Variants in REDIC1 observed in about 807,000 individuals in gnomAD.
REDIC1 encodes the protein regulator of DNA class I crossover intermediates 1.
chr12:39,713,539 T>C, the REDIC1 span, among the ~76,000 whole-genome samples: 2 of 149,386 alleles, frequency 1.3e-5, no homozygotes, highest in African/African-American at 4.9e-5. Flanking sequence ...TACACGTACA[T>C]ACGTATACAT....
the REDIC1 span, among the ~76,000 whole-genome samples, chr12:39,860,206 A>G: frequency 6.6e-6 from 1 of 152,348 alleles, no homozygotes; most frequent in African/African-American, 2.4e-5. Flanking sequence ...TTTGGACCTC[A>G]GTAAGGAAAC....
At chr12:39,710,793 G>C in the REDIC1 span, among the ~76,000 whole-genome samples, 1 of 151,566 alleles carries the variant, frequency 6.6e-6, no homozygotes, top group African/African-American at 2.4e-5. Flanking sequence ...TCCATTACAA[G>C]GTTCTGAACA....
At chr12:39,702,972 G>A in the REDIC1 span, among the ~76,000 whole-genome samples, 7 of 152,062 alleles carry the variant, frequency 4.6e-5, no homozygotes, top group East Asian at 1.9e-4. Context: ...CCCACAGCCA[G>A]TATCATACTG....
chr12:39,626,220 T>C, the REDIC1 span: 22 of 1,104,902 alleles, frequency 2.0e-5, no homozygotes, highest in South Asian at 2.8e-4. Context: ...AGGAGCTTAC[T>C]CGGGCCCTGA....
At chr12:39,835,953 G>T in the REDIC1 span, among the ~76,000 whole-genome samples, 1 of 152,080 alleles carries the variant, frequency 6.6e-6, no homozygotes, top group East Asian at 1.9e-4. Flanking sequence ...GCCACGTGGT[G>T]AAAGCCACAA....
chr12:39,639,263 A>G, the REDIC1 span, among the ~76,000 whole-genome samples: 2 of 151,966 alleles, frequency 1.3e-5, no homozygotes, highest in African/African-American at 4.8e-5. Flanking sequence ...GCAGCAGAAT[A>G]TATAGGGTTC....
the REDIC1 span, among the ~76,000 whole-genome samples, chr12:39,828,733 C>A: frequency 1.3e-5 from 2 of 149,784 alleles, no homozygotes; most frequent in South Asian, 4.2e-4. Flanking sequence ...TTCCTATTGG[C>A]AAAAACAAAA....
chr12:39,686,687 CTG>C, the REDIC1 span, among the ~76,000 whole-genome samples: 3 of 152,246 alleles, frequency 2.0e-5, no homozygotes, highest in Non-Finnish European at 2.9e-5. Context: ...TTTCTGCAGC[CTG>C]CTTGAATTCC....
the REDIC1 span, among the ~76,000 whole-genome samples, chr12:39,681,910 G>A: frequency 2.6e-5 from 4 of 151,844 alleles, no homozygotes; most frequent in Admixed American, 2.0e-4. Context: ...AAATAAATTT[G>A]TAGTCACTGA....
the REDIC1 span, chr12:39,721,733 T>A: frequency 6.5e-6 from 1 of 152,742 alleles, no homozygotes; most frequent in African/African-American, 2.4e-5. Context: ...TTCTCTTTAA[T>A]ATTACAGTCC....
the REDIC1 span, among the ~76,000 whole-genome samples, chr12:39,849,059 AT>A: frequency 6.6e-6 from 1 of 152,236 alleles, no homozygotes; most frequent in South Asian, 2.1e-4. Context: ...AACAAAAAAG[AT>A]AACTATTGGG....
the REDIC1 span, among the ~76,000 whole-genome samples, chr12:39,702,771 TG>T: frequency 8.5e-3 from 1,290 of 152,356 alleles, 23 homozygotes; most frequent in African/African-American, 0.029. Flanking sequence ...GATGCAAGGC[TG>T]GTTCAATATA....
the REDIC1 span, among the ~76,000 whole-genome samples, chr12:39,686,304 C>T: frequency 1.3e-5 from 2 of 152,214 alleles, no homozygotes; most frequent in African/African-American, 4.8e-5. Flanking sequence ...AACATCTAGG[C>T]TTTTGCATAC....
the REDIC1 span, among the ~76,000 whole-genome samples, chr12:39,762,453 A>G: frequency 1.6e-5 from 2 of 126,314 alleles, no homozygotes; most frequent in African/African-American, 2.7e-5. Flanking sequence ...ATGCCCCCCA[A>G]GGGATCTCTT....
the REDIC1 span, among the ~76,000 whole-genome samples, chr12:39,789,064 G>T: frequency 6.6e-6 from 1 of 151,988 alleles, no homozygotes; most frequent in East Asian, 1.9e-4. Context: ...TTTAAAGAAT[G>T]ATAATAAGAT....
the REDIC1 span, among the ~76,000 whole-genome samples, chr12:39,710,871 A>G: frequency 5.9e-5 from 9 of 151,548 alleles, no homozygotes; most frequent in Admixed American, 5.3e-4. Context: ...GTTACTCAAT[A>G]AGTGTTTTTT....
chr12:39,842,225 G>T, the REDIC1 span, among the ~76,000 whole-genome samples: 2 of 152,046 alleles, frequency 1.3e-5, no homozygotes, highest in South Asian at 4.1e-4. Flanking sequence ...TAGAAGACCA[G>T]ATTAGAAATA....
chr12:39,896,173 AATATGTAT>A, the REDIC1 span, among the ~76,000 whole-genome samples: 5 of 146,342 alleles, frequency 3.4e-5, no homozygotes, highest in South Asian at 2.2e-4. Flanking sequence ...TACATATATG[AATATGTAT>A]ATATGTATAT....
chr12:39,705,097 AAAAT>A, the REDIC1 span, among the ~76,000 whole-genome samples: 6,276 of 151,726 alleles, frequency 0.041, 154 homozygotes, highest in African/African-American at 0.073. Context: ...TTAAATTAAA[AAAAT>A]AAATAAATAA....
Sources: allele counts gnomAD v4.1 joint callset (sites outside exome capture counted in the v4.1 genomes callset), GRCh38; gene constraint gnomAD v4.1.1; transcripts MANE v1.5; gene names NCBI Gene and HGNC (gene_info 2026-07-23, HGNC 2026-07-21).